PAK1: variants seen among roughly 807,000 people sequenced by gnomAD.
PAK1 encodes serine/threonine-protein kinase PAK 1.
PAK1 carries 29 observed loss-of-function variants against 67.4 expected under a neutral mutation model. The ratio of observed to expected loss-of-function variants is 0.43; its 90% CI spans 0.32 to 0.59. The LOEUF (loss-of-function observed/expected upper bound fraction) is 0.59, where lower values mean the gene tolerates loss of function less well. Ranked by LOEUF, PAK1 falls within the 20% of genes least tolerant of loss-of-function variation. The probability of loss-of-function intolerance (pLI) is 0.07; values close to 1 mark genes in which losing one functional copy is unlikely to be tolerated. For synonymous variants in PAK1, 223 were observed against 237.4 expected (o/e 0.94, Z 0.56); for missense variants, 337 against 670.7 (o/e 0.50, Z 5.50).
intron 13 of PAK1, among the ~76,000 whole-genome samples, chr11:77,335,170 G>A (rs1010360592): frequency 6.6e-6 from 1 of 152,164 alleles, no homozygotes. Flanking sequence ...ATAACCTAGA[G>A]CTCAGTACTC....
intron 1 of PAK1, among the ~76,000 whole-genome samples, chr11:77,421,308 G>C (rs1303987753): frequency 6.6e-6 from 1 of 152,154 alleles, no homozygotes; most frequent in Admixed American, 6.5e-5. Flanking sequence ...TTTCCCCTCA[G>C]ATAACCATAT....
the PAK1 span, among the ~76,000 whole-genome samples, chr11:77,489,508 G>A: frequency 2.8e-4 from 43 of 151,930 alleles, no homozygotes; most frequent in African/African-American, 8.9e-4. Flanking sequence ...AGCCGAAGCT[G>A]GACTGTACTG....
At chr11:77,486,497 C>T in the PAK1 span, among the ~76,000 whole-genome samples, 1 of 152,156 alleles carries the variant, frequency 6.6e-6, no homozygotes, top group African/African-American at 2.4e-5. Flanking sequence ...AATCATAGTA[C>T]CTGGTTTTAA....
At chr11:77,504,647 A>G in the PAK1 span, among the ~76,000 whole-genome samples, 1 of 152,206 alleles carries the variant, frequency 6.6e-6, no homozygotes, top group Non-Finnish European at 1.5e-5. Flanking sequence ...ATACCTTAGT[A>G]TTATTATGAA....
At chr11:77,348,481 G>C (rs1004858165) in intron 9 of PAK1, among the ~76,000 whole-genome samples, 18 of 152,142 alleles carry the variant, frequency 1.2e-4, no homozygotes. Flanking sequence ...AAATAAATGA[G>C]GATTTCACTG....
At chr11:77,326,276 G>A (rs1939836316) in intron 14 of PAK1, among the ~76,000 whole-genome samples, 1 of 152,294 alleles carries the variant, frequency 6.6e-6, no homozygotes, top group East Asian at 1.9e-4. Flanking sequence ...CCTGACTCCG[G>A]GTTTCCCCAC....
chr11:77,353,814 C>T (rs989370069), intron 7 of PAK1, among the ~76,000 whole-genome samples: 5 of 152,122 alleles, frequency 3.3e-5, no homozygotes, highest in African/African-American at 1.2e-4. Flanking sequence ...TATTCCATTT[C>T]TAAACTCCTA....
intron 8 of PAK1, among the ~76,000 whole-genome samples, chr11:77,352,463 C>T (rs1171115651): frequency 6.6e-6 from 1 of 152,172 alleles, no homozygotes; most frequent in Non-Finnish European, 1.5e-5. Flanking sequence ...CTGAAAAATT[C>T]CTATCACCCA....
chr11:77,441,076 AC>A (rs1354208961), intron 1 of PAK1, among the ~76,000 whole-genome samples: 1 of 151,930 alleles, frequency 6.6e-6, no homozygotes, highest in African/African-American at 2.4e-5. Context: ...CCTGTACCAT[AC>A]TCTGCCTTTC....
the PAK1 span, among the ~76,000 whole-genome samples, chr11:77,497,116 G>A: frequency 6.6e-6 from 1 of 152,238 alleles, no homozygotes; most frequent in South Asian, 2.1e-4. Context: ...GTATAGAGGA[G>A]CAGGACAGGG....
the PAK1 span, among the ~76,000 whole-genome samples, chr11:77,499,066 TATTAA>T: frequency 2.0e-5 from 3 of 151,624 alleles, no homozygotes; most frequent in African/African-American, 7.3e-5. Flanking sequence ...TAAAGCCTTC[TATTAA>T]ATTTACCAAA....
chr11:77,341,208 T>C (rs1242102728), intron 10 of PAK1, among the ~76,000 whole-genome samples: 2 of 152,110 alleles, frequency 1.3e-5, no homozygotes, highest in Non-Finnish European at 2.9e-5. Context: ...AGATCTGAGA[T>C]CTATGAGACC....
At position 77,336,181 on chromosome 11, in the gene PAK1, C is replaced by G. The variant is rs778201116; in HGVS notation, c.1318G>C (p.Ala440Pro). 4.3e-6 allele frequency: 7 copies of G among 1,613,908 alleles called. No homozygotes were observed. The highest frequency in any genetic ancestry group is 5.9e-6 in the Non-Finnish European group (7 of 1,179,766). Reference protein sequence around the residue: ...WMAPEVVTRKAYGPKVDIWSL... With the variant: ...WMAPEVVTRKPYGPKVDIWSL... ...CAGATGTCAACCTTGGGCCCATAGG[C>G]CTTTCGTGTCACAACCTCTGGTGCC... The change falls in exon 13 of 15, where the codon GCC becomes CCC. Residue 440 changes from alanine to proline, a missense_variant. Around this residue, in one of 8 missense-constraint regions of PAK1, gnomAD observed 71 missense variants for 160.5 expected, o/e 0.44. Transcript: ENST00000356341.
At chr11:77,525,106 A>AGGTCGAGGTGG in the PAK1 span, among the ~76,000 whole-genome samples, 1 of 151,578 alleles carries the variant, frequency 6.6e-6, no homozygotes, top group Non-Finnish European at 1.5e-5. Context: ...ACATGTTGGG[A>AGGTCGAGGTGG]GGTCGAGGTG....
At chr11:77,368,399 A>G (rs1244546370) in intron 5 of PAK1, among the ~76,000 whole-genome samples, 3 of 152,206 alleles carry the variant, frequency 2.0e-5, no homozygotes, top group Non-Finnish European at 4.4e-5. Flanking sequence ...TAGCATAGAG[A>G]ACGCCCCATT....
intron 1 of PAK1, among the ~76,000 whole-genome samples, chr11:77,407,631 T>A (rs905882818): frequency 7.9e-5 from 12 of 152,184 alleles, no homozygotes; most frequent in African/African-American, 2.7e-4. Flanking sequence ...ACCAACCCTA[T>A]GAGGTGTTAA....
chr11:77,322,441 T>TTCCTGAAACATCACACA lies in PAK1; in HGVS notation c.*832_*833insTGTGTGATGTTTCAGGA, dbSNP rs1491565360. 1.5e-4 allele frequency: 30 copies of TTCCTGAAACATCACACA among 195,090 alleles called. No homozygotes were observed. The highest frequency in any genetic ancestry group is 5.5e-4 in the Admixed American group (9 of 16,446). The allele number at this position is 195,090 out of a possible 1,614,324, so 12.1% of individuals were successfully genotyped here. ...CTGAGTTCCTGAAACATCACACAAG[T>TTCCTGAAACATCACACA]AGAGCTGGACAGGTGCTGATGCCCA... On this transcript the variant is annotated 3_prime_UTR_variant, in exon 15 of 15. Coordinates refer to ENST00000356341, the MANE Select transcript of PAK1 (RefSeq NM_002576.5).
intron 2 of PAK1, among the ~76,000 whole-genome samples, chr11:77,390,956 T>G (rs1206325495): frequency 6.6e-6 from 1 of 152,224 alleles, no homozygotes; most frequent in Admixed American, 6.5e-5. Context: ...GATCTGCTTA[T>G]AAGACATATC....
the PAK1 span, among the ~76,000 whole-genome samples, chr11:77,519,188 A>G: frequency 6.6e-6 from 1 of 152,208 alleles, no homozygotes; most frequent in Non-Finnish European, 1.5e-5. Flanking sequence ...GAATCTGAAC[A>G]AGGTCGTTAC....
Sources: allele counts gnomAD v4.1 joint callset (sites outside exome capture counted in the v4.1 genomes callset), GRCh38; gene constraint gnomAD v4.1.1; regional missense constraint gnomAD v4.1.1; transcripts MANE v1.5; gene names NCBI Gene and HGNC (gene_info 2026-07-23, HGNC 2026-07-21).